Variants in CA10 observed in about 807,000 individuals in gnomAD.
CA10 encodes carbonic anhydrase 10 (inactive), also known as carbonic anhydrase-related protein 10.
Under a neutral mutation model 44.2 loss-of-function variants are expected in CA10, and 14 were observed. The ratio of observed to expected loss-of-function variants is 0.32; its 90% CI spans 0.21 to 0.50. The LOEUF (loss-of-function observed/expected upper bound fraction) is 0.50. Ranked by LOEUF, CA10 falls within the 20% of genes least tolerant of loss-of-function variation. CA10 has a pLI of 0.99. For missense variants in CA10, 350 were observed against 409.7 expected (o/e 0.85, Z 1.26); for synonymous variants, 159 against 141.6 (o/e 1.12, Z -0.87).
At chr17:52,061,788 C>T (rs570987210) in intron 2 of CA10, among the ~76,000 whole-genome samples, 2 of 152,246 alleles carry the variant, frequency 1.3e-5, no homozygotes, top group South Asian at 2.1e-4. Context: ...AACTGTGAGT[C>T]AATTAAACCT....
At chr17:51,650,526 G>A (rs2143273316) in intron 5 of CA10, among the ~76,000 whole-genome samples, 1 of 152,324 alleles carries the variant, frequency 6.6e-6, no homozygotes, top group Non-Finnish European at 1.5e-5. Flanking sequence ...AGCTTGGTGA[G>A]TGACAATGCC....
At chr17:52,105,917 GT>G (rs1988651934) in intron 1 of CA10, among the ~76,000 whole-genome samples, 1 of 152,184 alleles carries the variant, frequency 6.6e-6, no homozygotes, top group Non-Finnish European at 1.5e-5. Flanking sequence ...CATGAAAAGT[GT>G]TTAGTAGAGC....
chr17:51,733,623 C>T (rs1567821131), intron 4 of CA10, among the ~76,000 whole-genome samples: 1 of 152,168 alleles, frequency 6.6e-6, no homozygotes, highest in East Asian at 1.9e-4. Flanking sequence ...TTGGATGCCC[C>T]TGAGGTTTTA....
At chr17:51,689,469 C>T (rs893604954) in intron 4 of CA10, among the ~76,000 whole-genome samples, 2 of 152,218 alleles carry the variant, frequency 1.3e-5, no homozygotes, top group Middle Eastern at 3.4e-3. Context: ...TATCATTTGT[C>T]ATAAATTGGC....
intron 3 of CA10, 49 bp downstream of exon 3, chr17:51,930,941 A>C (rs1233329475): frequency 1.2e-6 from 2 of 1,604,342 alleles, no homozygotes; most frequent in Non-Finnish European, 1.7e-6. Flanking sequence ...TTTCAGAATC[A>C]AGATGGCCCC....
chr17:52,003,644 G>A (rs1459705375), intron 2 of CA10, among the ~76,000 whole-genome samples: 1 of 151,856 alleles, frequency 6.6e-6, no homozygotes, highest in Non-Finnish European at 1.5e-5. Flanking sequence ...AATGATACTG[G>A]AGTAGGAGAA....
intron 3 of CA10, among the ~76,000 whole-genome samples, chr17:51,767,517 C>T (rs974379579): frequency 6.6e-6 from 1 of 152,174 alleles, no homozygotes; most frequent in African/African-American, 2.4e-5. Context: ...CCACTATCAA[C>T]TAAACCAGTG....
chr17:51,677,895 C>CA (rs1419614014), intron 4 of CA10, among the ~76,000 whole-genome samples: 6 of 142,656 alleles, frequency 4.2e-5, no homozygotes, highest in African/African-American at 1.2e-4. Flanking sequence ...ACCCCCCCCC[C>CA]CACCGGCTGC....
At chr17:51,747,854 T>G in intron 3 of CA10, 36 bp from the exon 4 acceptor site, 1 of 1,532,276 alleles carries the variant, frequency 6.5e-7, no homozygotes, top group Non-Finnish European at 8.9e-7. Context: ...AGCAAGGCCC[T>G]CCTTCTTCTA....
intron 3 of CA10, among the ~76,000 whole-genome samples, chr17:51,915,826 T>C (rs1288336138): frequency 6.6e-6 from 1 of 152,178 alleles, no homozygotes; most frequent in East Asian, 1.9e-4. Context: ...GTCCTTTTTG[T>C]AATCGCAAAA....
At position 51,931,018 on chromosome 17, in the gene CA10, G is replaced by A. The variant is rs375717497; in HGVS notation, c.251C>T (p.Pro84Leu). ...SHMIFDPFLT[P>L]LRINTGGRKV... The stretch of plus-strand genomic sequence containing the variant: ...CCTGCCCCCCGTGTTGATGCGAAGA[G>A]GTGTCAGAAAGGGGTCGAAGATCAT... Residue 84 changes from proline (P) to leucine (L), a missense_variant, in exon 3 of 9, where the codon CCT becomes CTT. Physicochemically the swap from Pro to Leu is moderately conservative, Grantham distance 98. Coordinates refer to ENST00000451037, the MANE Select transcript of CA10 (RefSeq NM_020178.5). The A allele has an allele frequency of 2.7e-5, 43 of 1,613,424 alleles. No individual in the cohort carries two copies. Among genetic ancestry groups the A allele is most frequent in the Non-Finnish European group, 3.5e-5 (41 of 1,179,568 alleles).
chr17:51,790,955 G>T (rs892115328), intron 3 of CA10, among the ~76,000 whole-genome samples: 1 of 152,228 alleles, frequency 6.6e-6, no homozygotes, highest in Non-Finnish European at 1.5e-5. Context: ...TTAAGAGGAT[G>T]CACTTTGAAG....
At chr17:51,947,933 T>G (rs2144028372) in intron 2 of CA10, among the ~76,000 whole-genome samples, 2 of 152,124 alleles carry the variant, frequency 1.3e-5, no homozygotes, top group South Asian at 4.2e-4. Context: ...CTCAAAAAAT[T>G]CAAGGAAAAA....
intron 2 of CA10, among the ~76,000 whole-genome samples, chr17:51,982,588 C>T (rs2144089614): frequency 6.6e-6 from 1 of 152,028 alleles, no homozygotes; most frequent in East Asian, 1.9e-4. Context: ...CCATTCCAAA[C>T]TGTGTCTAGT....
chr17:52,151,302 G>T (rs1227845695), intron 1 of CA10, among the ~76,000 whole-genome samples: 2 of 151,696 alleles, frequency 1.3e-5, no homozygotes, highest in East Asian at 2.0e-4. Flanking sequence ...TTGATATTTT[G>T]TTTTTTAAAT....
chr17:52,108,699 CAAAAAAAAAAAAAAAA>C (rs759411898), intron 1 of CA10, among the ~76,000 whole-genome samples: 5 of 91,860 alleles, frequency 5.4e-5, no homozygotes, highest in South Asian at 3.4e-4. Context: ...GACTCCGTCT[CAAAAAAAAAAAAAAAA>C]AAAAAAAAAA....
chr17:52,030,363 G>A (rs1167329645), intron 2 of CA10, among the ~76,000 whole-genome samples: 1 of 152,216 alleles, frequency 6.6e-6, no homozygotes. Flanking sequence ...GGGAGAAAGA[G>A]TGTGTAACCA....
chr17:52,107,915 C>A (rs1988694811), intron 1 of CA10, among the ~76,000 whole-genome samples: 1 of 151,930 alleles, frequency 6.6e-6, no homozygotes, highest in African/African-American at 2.4e-5. Flanking sequence ...AACTTCTTTT[C>A]TACTATGAGA....
intron 2 of CA10, among the ~76,000 whole-genome samples, chr17:51,976,714 T>G (rs1426108779): frequency 1.3e-5 from 2 of 150,274 alleles, no homozygotes; most frequent in Non-Finnish European, 3.0e-5. Context: ...AAAAAACAAA[T>G]TAAATTGAAA....
Sources: gnomAD v4.1 joint callset for allele counts (sites outside exome capture counted in the v4.1 genomes callset) on GRCh38, gnomAD v4.1.1 for gene constraint, MANE v1.5 for transcripts, NCBI Gene and HGNC (gene_info 2026-07-23, HGNC 2026-07-21) for gene names.